The following RADIL variants were observed in gnomAD, a reference collection of about 807,000 sequenced individuals.
RADIL encodes the protein Rap associating with DIL domain, also known as ras-associating and dilute domain-containing protein.
Under a neutral mutation model 97.6 loss-of-function variants are expected in RADIL, and 99 were observed. The observed-to-expected ratio is 1.01, with a 90% CI of 0.86 to 1.20. The LOEUF (loss-of-function observed/expected upper bound fraction) is 1.20, where lower values mean the gene tolerates loss of function less well. Ranked by LOEUF, RADIL falls within the 50% of genes most tolerant of loss-of-function variation. The probability of loss-of-function intolerance (pLI) is 0.00; values close to 1 mark genes in which losing one functional copy is unlikely to be tolerated. For missense variants in RADIL, 1,765 were observed against 1,498.9 expected (o/e 1.18, Z -2.93); for synonymous variants, 803 against 691.8 (o/e 1.16, Z -2.52).
Position 4,848,340 on chromosome 7 carries a change from CTT to C in RADIL, c.536-11737_536-11736del, listed in dbSNP as rs1783626903. 2.6e-5 allele frequency among the ~76,000 whole-genome samples: 4 copies of C among 151,610 alleles called. No homozygotes were observed. The South Asian group carries it at 8.3e-4, about 31-fold the overall frequency. On this transcript the variant is annotated intron_variant, in intron 2 of 14. Transcript: ENST00000399583. ...GTAATTTTATGGTATAAAAATACCT[CTT>C]ATAATAAAAGTTTTTTAAAAAAAAA...
At chr7:4,868,930 C>T (rs1008018729) in intron 2 of RADIL, among the ~76,000 whole-genome samples, 1 of 152,144 alleles carries the variant, frequency 6.6e-6, no homozygotes, top group African/African-American at 2.4e-5. Context: ...AGTTCGAGAC[C>T]AGCCTGACTA....
rs145793016 is a variant in RADIL, at chr7:4,849,037, C to A, written c.536-12432G>T. 2.5e-4 allele frequency among the ~76,000 whole-genome samples: 38 copies of A among 151,566 alleles called. 1 individual carries two copies. In the East Asian group the frequency reaches 7.4e-3, roughly 29 times the overall value. Reference sequence around the variant, plus strand: ...CCTGTAATCCCAGCTACTCGAGAGACTGAAGCAGGAGAATCGTTTGAACCT... The same window carrying A: ...CCTGTAATCCCAGCTACTCGAGAGAATGAAGCAGGAGAATCGTTTGAACCT... On this transcript the variant is annotated intron_variant, in intron 2 of 14. Coordinates refer to ENST00000399583, the MANE Select transcript of RADIL (RefSeq NM_018059.5). This position sits in a 1 kb window ranked among gnomAD's most constrained non-coding sequence, Gnocchi z 5.4.
rs780300606 is a variant in RADIL, at chr7:4,801,884, A to G, written c.2611T>C (p.Leu871=). ...REVAPERTLP[L]RGAPWAQAPP... ...GCCTGTGCCCAGGGAGCCCCCCTCA[A>G]GGGAAGAGTACGCTCCGGGGCCACT... The change falls in exon 12 of 15, where the codon TTG becomes CTG. Residue 871 remains leucine (L), a synonymous_variant. Transcript: ENST00000399583. 1 of 1,589,202 alleles carries G rather than the reference A, an allele frequency of 6.3e-7. No individual in the cohort carries two copies. The highest frequency in any genetic ancestry group is 1.1e-5 in the South Asian group (1 of 88,070).
rs7782434 is a variant in RADIL at position 4,872,281 on chromosome 7, G to A, written c.535+5324C>T. Among the ~76,000 whole-genome samples the A allele has an allele frequency of 0.023, 3,460 of 152,306 alleles. 142 individuals carry two copies. Among genetic ancestry groups the A allele is most frequent in the African/African-American group, 0.08 (3,321 of 41,562 alleles). ...GTTACAACTTGGGGGTGGGGGCACA[G>A]GAGCCAGGGACACTGCTCATCGCCC... On this transcript the variant is annotated intron_variant, in intron 2 of 14. Coordinates refer to ENST00000399583, the MANE Select transcript of RADIL (RefSeq NM_018059.5). The surrounding 1 kb of genome is among the most constrained non-coding windows in gnomAD (Gnocchi z 5.8).
At position 4,861,756 on chromosome 7, in the gene RADIL, T is replaced by C. The variant is rs764825786; in HGVS notation, c.535+15849A>G. The C allele has an allele frequency of 8.7e-6, 13 of 1,488,652 alleles. 1 individual carries two copies. The highest frequency in any genetic ancestry group is 1.4e-5 in the South Asian group (1 of 69,286). 92.2% of individuals were successfully genotyped at this position (1,488,652 alleles called of 1,614,324 possible). The stretch of plus-strand genomic sequence containing the variant: ...ATAGGCGAGGAGACGCCGTAGCGAT[T>C]CGGCGGCGGCGCCGGCTGCGGTGGT... On this transcript the variant is annotated intron_variant, in intron 2 of 14. Transcript: ENST00000399583.
In RADIL at chr7:4,867,802, C is replaced by T. The variant is rs572669026; in HGVS notation, c.535+9803G>A. 2.0e-5 allele frequency among the ~76,000 whole-genome samples: 3 copies of T among 152,246 alleles called. No homozygotes were observed. The highest frequency in any genetic ancestry group is 7.2e-5 in the African/African-American group (3 of 41,546). On this transcript the variant is annotated intron_variant, in intron 2 of 14. Coordinates refer to ENST00000399583, the MANE Select transcript of RADIL (RefSeq NM_018059.5). This position sits in a 1 kb window ranked among gnomAD's most constrained non-coding sequence, Gnocchi z 4.1. ...TAAGTTGGAATGGTATTCATTAATA[C>T]ACTAGAGTGGGTTCCCAAGGACAAT...
intron 2 of RADIL, among the ~76,000 whole-genome samples, chr7:4,836,891 T>C (rs1307953335): frequency 6.6e-6 from 1 of 152,016 alleles, no homozygotes; most frequent in African/African-American, 2.4e-5. Context: ...TGAGCTGAGA[T>C]TGCACCACTG....
At chr7:4,847,277 C>T (rs917895908) in intron 2 of RADIL, among the ~76,000 whole-genome samples, 3 of 152,222 alleles carry the variant, frequency 2.0e-5, no homozygotes, top group East Asian at 1.9e-4. Flanking sequence ...GCCAAGATGA[C>T]GCCAATGCAC....
In RADIL at chr7:4,879,112, C is replaced by G. The variant is rs1784431998; in HGVS notation, c.-64-909G>C. On this transcript the variant is annotated intron_variant, in intron 1 of 14. Coordinates refer to ENST00000399583, the MANE Select transcript of RADIL (RefSeq NM_018059.5). The surrounding 1 kb of genome is among the most constrained non-coding windows in gnomAD (Gnocchi z 4.1). Reference sequence around the variant, plus strand: ...GCAAGCACGGCGGGCACAAAGGGCCCCTCTCGAGCCGGTGCAGGCATGGCC... The same window carrying G: ...GCAAGCACGGCGGGCACAAAGGGCCGCTCTCGAGCCGGTGCAGGCATGGCC... 1.3e-5 allele frequency among the ~76,000 whole-genome samples: 2 copies of G among 152,346 alleles called. No individual in the cohort carries two copies. The highest frequency in any genetic ancestry group is 4.8e-5 in the African/African-American group (2 of 41,578).
In RADIL at chr7:4,883,697, G is replaced by C. The variant is rs935262132; in HGVS notation, c.-166C>G. On this transcript the variant is annotated 5_prime_UTR_variant, in exon 1 of 15. Transcript: ENST00000399583. The surrounding 1 kb of genome is among the most constrained non-coding windows in gnomAD (Gnocchi z 7.1). Reference sequence around the variant, plus strand: ...CGCGCGTGCCGCGGCGCCTCCTGCCGGCGGCGCAACGGGCGGGGCGGGGCC... The same window carrying C: ...CGCGCGTGCCGCGGCGCCTCCTGCCCGCGGCGCAACGGGCGGGGCGGGGCC... 2.0e-5 allele frequency: 3 copies of C among 151,948 alleles called. No homozygotes were observed. Among genetic ancestry groups the C allele is most frequent in the Admixed American group, 6.6e-5 (1 of 15,248 alleles). The allele number at this position is 151,948 out of a possible 1,614,324, so 9.4% of individuals were successfully genotyped here.
At position 4,822,293 on chromosome 7, in the gene RADIL, C is replaced by T; in HGVS notation, c.1615+101G>A. ...AGGAAGCCCCCGGCATGAATCCACC[C>T]CTGCTATCATGGCCAACTAGGTTCC... On this transcript the variant is annotated intron_variant, in intron 6 of 14. Coordinates refer to ENST00000399583, the MANE Select transcript of RADIL (RefSeq NM_018059.5). The surrounding 1 kb of genome is among the most constrained non-coding windows in gnomAD (Gnocchi z 5.3). The T allele has an allele frequency of 1.5e-6, 2 of 1,364,458 alleles. No homozygotes were observed. The highest frequency in any genetic ancestry group is 1.5e-5 in the South Asian group (1 of 67,876). 84.5% of individuals were successfully genotyped at this position (1,364,458 alleles called of 1,614,324 possible). A position where few individuals can be genotyped will look rare whatever the true frequency, so the allele number is the denominator to read the frequency against.
At chr7:4,868,165 C>A (rs1175277246) in intron 2 of RADIL, among the ~76,000 whole-genome samples, 6 of 152,100 alleles carry the variant, frequency 3.9e-5, no homozygotes, top group Non-Finnish European at 8.8e-5. Context: ...CGGGTTCATG[C>A]CATTCTCCTG....
rs1473988951 is a variant in RADIL, at chr7:4,879,337, A to T, written c.-64-1134T>A. 6.6e-6 allele frequency among the ~76,000 whole-genome samples: 1 copy of T among 152,224 alleles called. No individual in the cohort carries two copies. The highest frequency in any genetic ancestry group is 1.5e-5 in the Non-Finnish European group (1 of 68,024). On this transcript the variant is annotated intron_variant, in intron 1 of 14. Transcript: ENST00000399583. The surrounding 1 kb of genome is among the most constrained non-coding windows in gnomAD (Gnocchi z 4.1). ...CTCCCTCCAGAACCTCTGTGGGGGC[A>T]GGAGGGCAGAGAAAAAGGAAGGCAG...
chr7:4,801,652 C>T lies in RADIL; in HGVS notation c.2842+1G>A, dbSNP rs1375373485. ...CCGCCTGAGCACCAGGCAGGGCTCA[C>T]CTTCCGGAGCTGCACCCCGGAGGCC... On this transcript the variant is annotated splice_donor_variant, in intron 12 of 14. Coordinates refer to ENST00000399583, the MANE Select transcript of RADIL (RefSeq NM_018059.5). LOFTEE classifies it high-confidence loss of function. 1 of 1,593,120 alleles carries T rather than the reference C, an allele frequency of 6.3e-7. No homozygotes were observed. The highest frequency in any genetic ancestry group is 1.1e-5 in the South Asian group (1 of 88,304).
In RADIL at chr7:4,818,159, T is replaced by C. The variant is rs1159416314; in HGVS notation, c.1616-808A>G. 6.6e-6 allele frequency among the ~76,000 whole-genome samples: 1 copy of C among 152,140 alleles called. No individual in the cohort carries two copies. Among genetic ancestry groups the C allele is most frequent in the East Asian group, 1.9e-4 (1 of 5,174 alleles). On this transcript the variant is annotated intron_variant, in intron 6 of 14. Transcript: ENST00000399583. This position sits in a 1 kb window ranked among gnomAD's most constrained non-coding sequence, Gnocchi z 7.1. The stretch of plus-strand genomic sequence containing the variant: ...CCCTCCTCTCCCTCCTGTGGGGCCT[T>C]CTTCCAGGAGGGGCAGAGGGGCCGC...
At chr7:4,866,976 G>T (rs1376503090) in intron 2 of RADIL, among the ~76,000 whole-genome samples, 2 of 152,148 alleles carry the variant, frequency 1.3e-5, no homozygotes, top group East Asian at 1.9e-4. Flanking sequence ...GCACCCCTCA[G>T]GTTTCCCTCT....
Position 4,822,334 on chromosome 7 carries a change from A to G in RADIL, c.1615+60T>C, listed in dbSNP as rs1782856138. ...ACTAGGTTCCGAGGACGGCGAGGAG[A>G]TGCCACACTCCCCTGCCTGGGGTGC... On this transcript the variant is annotated intron_variant, in intron 6 of 14. Coordinates refer to ENST00000399583, the MANE Select transcript of RADIL (RefSeq NM_018059.5). The surrounding 1 kb of genome is among the most constrained non-coding windows in gnomAD (Gnocchi z 5.3). 2.0e-6 allele frequency: 3 copies of G among 1,532,534 alleles called. No homozygotes were observed. The highest frequency in any genetic ancestry group is 2.6e-6 in the Non-Finnish European group (3 of 1,135,368). 94.9% of individuals were successfully genotyped at this position (1,532,534 alleles called of 1,614,324 possible). A position where few individuals can be genotyped will look rare whatever the true frequency, so the allele number is the denominator to read the frequency against.
At chr7:4,860,007 C>T (rs1000439646) in intron 2 of RADIL, 3 of 1,613,846 alleles carry the variant, frequency 1.9e-6, no homozygotes, top group African/African-American at 2.7e-5. Context: ...GGAGAAATGG[C>T]AGGCTGAGAG....
intron 5 of RADIL, among the ~76,000 whole-genome samples, chr7:4,823,645 T>TGCCTCCTCCCTCAGCGGCA (rs1562437763): frequency 6.6e-6 from 1 of 152,208 alleles, no homozygotes; most frequent in Non-Finnish European, 1.5e-5. Flanking sequence ...TCATCAGGGC[T>TGCCTCCTCCCTCAGCGGCA]GCCTCCTCCC....
Sources: allele counts gnomAD v4.1 joint callset (sites outside exome capture counted in the v4.1 genomes callset), GRCh38; gene constraint gnomAD v4.1.1; non-coding constraint Gnocchi (gnomAD v3.1); transcripts MANE v1.5; gene names NCBI Gene and HGNC (gene_info 2026-07-23, HGNC 2026-07-21).